The following IL16 variants were observed in gnomAD, a reference collection of about 807,000 sequenced individuals.
The protein encoded by IL16 is interleukin 16.
IL16 carries 67 observed loss-of-function variants against 110.1 expected under a neutral mutation model. That is an observed-to-expected ratio of 0.61 (90% CI 0.50 to 0.75). The LOEUF is 0.75. IL16 is among the 30% of genes least tolerant of loss of function. IL16 has a pLI of 0.00. For synonymous variants in IL16, 689 were observed against 662.9 expected, an observed-to-expected ratio of 1.04 and a Z score of -0.61; for missense variants, 1,545 against 1,655.0, an observed-to-expected ratio of 0.93 and a Z score of 1.15.
chr15:81,231,194 A>G (rs1294965125), intron 2 of IL16, among the ~76,000 whole-genome samples: 2 of 151,968 alleles, frequency 1.3e-5, no homozygotes, highest in African/African-American at 4.8e-5. Flanking sequence ...AACATAACAT[A>G]GCAACATAAC....
chr15:81,242,808 G>A (rs7180245), intron 2 of IL16, among the ~76,000 whole-genome samples: 35,891 of 151,744 alleles, frequency 0.24, 4,894 homozygotes, highest in African/African-American at 0.37. Context: ...TGGTGAAAAC[G>A]TTTAGTTTTC....
In IL16 at chr15:81,231,324, G is replaced by GTCTCTCTCTC. The variant is rs532872365; in HGVS notation, c.312+5662_312+5671dup. ...GGGGAGATCTACCCAAGGTCGGTCTGTCTCTCTCTCTCTCTCTCTCTCTCT... is the reference window on the plus strand; with the variant it reads ...GGGGAGATCTACCCAAGGTCGGTCTGTCTCTCTCTCTCTCTCTCTCTCTCTCTCTCTCTCT... On this transcript the variant is annotated intron_variant, in intron 2 of 18. Coordinates refer to ENST00000683961, the MANE Select transcript of IL16 (RefSeq NM_172217.5). 8.6e-3 allele frequency among the ~76,000 whole-genome samples: 405 copies of GTCTCTCTCTC among 47,118 alleles called. 107 individuals carry two copies. The highest frequency in any genetic ancestry group is 0.011 in the Non-Finnish European group (265 of 23,718). The allele number at this position is 47,118 out of a possible 152,430, so 30.9% of individuals were successfully genotyped here.
chr15:81,301,624 A>G, intron 15 of IL16, 112 bp downstream of exon 15: 1 of 873,332 alleles, frequency 1.1e-6, no homozygotes, highest in Non-Finnish European at 1.8e-6. Context: ...CATCAGACCC[A>G]GGTTGCGTCC....
rs976155378 is a variant in IL16, at chr15:81,278,816, G to A, written c.791-1G>A. The A allele has an allele frequency of 1.3e-5, 21 of 1,602,540 alleles. No homozygotes were observed. Among genetic ancestry groups the A allele is most frequent in the Admixed American group, 1.7e-5 (1 of 60,018 alleles). ...TAGCTACACTTTCTCTCTCTAAACA[G>A]GTGATGAAATTCTGGAGCTCAATGG... On this transcript the variant is annotated splice_acceptor_variant, in intron 6 of 18. Coordinates refer to ENST00000683961, the MANE Select transcript of IL16 (RefSeq NM_172217.5). LOFTEE classifies it high-confidence loss of function.
rs376219268 is a variant in IL16, at chr15:81,243,830, T to C, written c.313-15942T>C. Among the ~76,000 whole-genome samples the C allele has an allele frequency of 9.2e-5, 14 of 152,204 alleles. 1 individual carries two copies. In the South Asian group the frequency reaches 1.2e-3, roughly 13 times the overall value. On this transcript the variant is annotated intron_variant, in intron 2 of 18. Coordinates refer to ENST00000683961, the MANE Select transcript of IL16 (RefSeq NM_172217.5). ...TGGTACATTTCATTTAGTACATTTA[T>C]GTGTGTAGAGTGGTTTGTAGCATTT...
rs11556218 is a variant in IL16, at chr15:81,305,928, T to G, written c.3441T>G (p.Asn1147Lys). 150,593 of 1,613,540 alleles carry G rather than the reference T, an allele frequency of 0.093. 8,302 individuals carry two copies. Among genetic ancestry groups the G allele is most frequent in the African/African-American group, 0.21 (15,661 of 74,998 alleles). ...KVITVHRVFP[N>K]GLASQEGTIQ... ...CTCAGGTTCACAGAGTGTTTCCAAATGGGCTGGCCTCCCAGGAAGGGACTA... is the reference window on the plus strand; with the variant it reads ...CTCAGGTTCACAGAGTGTTTCCAAAGGGGCTGGCCTCCCAGGAAGGGACTA... The change falls in exon 17 of 19, where the codon AAT becomes AAG. Residue 1147 changes from asparagine (N) to lysine (K), a missense_variant. Transcript: ENST00000683961.
At chr15:81,261,419 G>C (rs559620014) in intron 3 of IL16, among the ~76,000 whole-genome samples, 10 of 152,222 alleles carry the variant, frequency 6.6e-5, no homozygotes, top group African/African-American at 2.4e-4. Context: ...GTCAATGACA[G>C]GCATCAATGG....
At chr15:81,183,065 A>AGTGTGTGCACACGTGTG (rs1566985528) in intron 1 of IL16, among the ~76,000 whole-genome samples, 5 of 145,048 alleles carry the variant, frequency 3.4e-5, no homozygotes, top group African/African-American at 1.4e-4. Context: ...GCACACGTGT[A>AGTGTGTGCACACGTGTG]AGTGTGTGCA....
intron 2 of IL16, among the ~76,000 whole-genome samples, chr15:81,248,796 C>G (rs191181162): frequency 6.8e-6 from 1 of 146,352 alleles, no homozygotes; most frequent in Non-Finnish European, 1.5e-5. Flanking sequence ...TCTCCATTCA[C>G]GGCAAACTCC....
At chr15:81,273,006 C>T in intron 5 of IL16, 84 bp from the exon 6 acceptor site, 2 of 1,057,120 alleles carry the variant, frequency 1.9e-6, no homozygotes, top group South Asian at 2.6e-5. Flanking sequence ...TTGTTCAGGG[C>T]TGAGGCAGGC....
intron 6 of IL16, among the ~76,000 whole-genome samples, chr15:81,276,988 T>TA (rs907926457): frequency 7.2e-6 from 1 of 138,358 alleles, no homozygotes; most frequent in African/African-American, 2.7e-5. Context: ...TTTAAAAAGA[T>TA]AAAAAAAGGA....
intron 1 of IL16, among the ~76,000 whole-genome samples, chr15:81,202,533 T>A (rs527990832): frequency 1.3e-3 from 188 of 146,670 alleles, no homozygotes; most frequent in Middle Eastern, 3.4e-3. Flanking sequence ...TGTCCATGTG[T>A]TCTCATTGTT....
chr15:81,277,327 A>G (rs1423293361), intron 6 of IL16, among the ~76,000 whole-genome samples: 1 of 152,256 alleles, frequency 6.6e-6, no homozygotes, highest in Non-Finnish European at 1.5e-5. Context: ...TATAATTTTC[A>G]AGAACTGACT....
intron 8 of IL16, among the ~76,000 whole-genome samples, chr15:81,281,460 A>C (rs1235110223): frequency 6.6e-6 from 1 of 152,178 alleles, no homozygotes; most frequent in Non-Finnish European, 1.5e-5. Flanking sequence ...AGCTACGTTC[A>C]AACTTTCAGC....
At chr15:81,279,391 G>GTA (rs956599967) in intron 7 of IL16, among the ~76,000 whole-genome samples, 167 bp from the exon 8 acceptor site, 2 of 152,152 alleles carry the variant, frequency 1.3e-5, no homozygotes, top group African/African-American at 4.8e-5. Context: ...GTAGTTGTGT[G>GTA]TATATATACA....
chr15:81,296,809 G>A, intron 12 of IL16, 119 bp from the exon 13 acceptor site: 2 of 881,596 alleles, frequency 2.3e-6, no homozygotes, highest in South Asian at 1.7e-5. Context: ...GGCTGCTGAT[G>A]AACTTCTCAC....
intron 1 of IL16, among the ~76,000 whole-genome samples, chr15:81,205,302 T>TTGCA: frequency 1.7e-5 from 2 of 116,700 alleles, no homozygotes; most frequent in East Asian, 7.4e-4. Flanking sequence ...CAAGACTCCA[T>TTGCA]CTCAAAAAAA....
At chr15:81,296,828 G>T in intron 12 of IL16, 100 bp from the exon 13 acceptor site, 1 of 1,085,730 alleles carries the variant, frequency 9.2e-7, no homozygotes, top group Non-Finnish European at 1.3e-6. Flanking sequence ...ACTGAAAGCA[G>T]CTCAATATCC....
intron 4 of IL16, among the ~76,000 whole-genome samples, chr15:81,267,597 G>T (rs1898449017): frequency 6.6e-6 from 1 of 152,084 alleles, no homozygotes; most frequent in Non-Finnish European, 1.5e-5. Context: ...GAATTGACAA[G>T]CTGGAGACCC....
Sources: allele counts gnomAD v4.1 joint callset (sites outside exome capture counted in the v4.1 genomes callset), GRCh38; gene constraint gnomAD v4.1.1; transcripts MANE v1.5; gene names NCBI Gene and HGNC (gene_info 2026-07-23, HGNC 2026-07-21).